ASCC3: variants seen among roughly 807,000 people sequenced by gnomAD.
ASCC3 encodes the protein ASC-1 complex subunit P200.
Under a neutral mutation model 256.3 loss-of-function variants are expected in ASCC3, and 158 were observed. That is an observed-to-expected ratio of 0.62 (90% CI 0.54 to 0.70). The LOEUF (loss-of-function observed/expected upper bound fraction) is 0.70, where lower values mean the gene tolerates loss of function less well. ASCC3 is among the 30% of genes least tolerant of loss of function. The probability of loss-of-function intolerance (pLI) is 0.00; values close to 1 mark genes in which losing one functional copy is unlikely to be tolerated. For missense variants in ASCC3, 2,259 were observed against 2,626.0 expected (o/e 0.86, Z 3.05); for synonymous variants, 948 against 883.4 (o/e 1.07, Z -1.30).
At chr6:100,648,050 T>C (rs1238533204) in intron 20 of ASCC3, among the ~76,000 whole-genome samples, 1 of 152,160 alleles carries the variant, frequency 6.6e-6, no homozygotes, top group Non-Finnish European at 1.5e-5. Context: ...ATTATGATTT[T>C]ATAGATGAAT....
intron 10 of ASCC3, among the ~76,000 whole-genome samples, chr6:100,726,682 A>C (rs1779643057): frequency 6.6e-6 from 1 of 152,040 alleles, no homozygotes; most frequent in Non-Finnish European, 1.5e-5. Context: ...GCACAGTAAG[A>C]AGTGGCTTCA....
At chr6:100,855,609 C>T (rs1562347251) in intron 3 of ASCC3, among the ~76,000 whole-genome samples, 2 of 152,170 alleles carry the variant, frequency 1.3e-5, no homozygotes, top group Non-Finnish European at 1.5e-5. Context: ...ATAATGCTGT[C>T]CAATGTTACC....
At chr6:100,678,986 C>G (rs1228451707) in intron 14 of ASCC3, among the ~76,000 whole-genome samples, 1 of 152,070 alleles carries the variant, frequency 6.6e-6, no homozygotes, top group Non-Finnish European at 1.5e-5. Context: ...ACTACCAATA[C>G]TCAAATTACC....
At chr6:100,528,758 T>C (rs1024090275) in intron 37 of ASCC3, among the ~76,000 whole-genome samples, 8 of 152,186 alleles carry the variant, frequency 5.3e-5, no homozygotes, top group East Asian at 1.9e-4. Context: ...CATAGCTCCT[T>C]AAAGGTCTTC....
chr6:100,752,311 G>A (rs1780977566), intron 10 of ASCC3, among the ~76,000 whole-genome samples: 1 of 151,968 alleles, frequency 6.6e-6, no homozygotes, highest in Non-Finnish European at 1.5e-5. Flanking sequence ...AAACAGGAGG[G>A]CAAAGCTAAT....
At position 100,718,059 on chromosome 6, in the gene ASCC3, TA is replaced by T; in HGVS notation, c.2079+15del. On this transcript the variant is annotated intron_variant, in intron 12 of 41. Transcript: ENST00000369162. The stretch of plus-strand genomic sequence containing the variant: ...AACAAAAATATTTTTAGATAAGAAT[TA>T]AAATGAGTATTTACCTTATTTGCAC... The T allele has an allele frequency of 6.2e-7, 1 of 1,609,146 alleles. No individual in the cohort carries two copies. The highest frequency in any genetic ancestry group is 8.5e-7 in the Non-Finnish European group (1 of 1,176,458).
chr6:100,597,716 T>C (rs1010319406), intron 34 of ASCC3, among the ~76,000 whole-genome samples: 1 of 151,062 alleles, frequency 6.6e-6, no homozygotes, highest in Non-Finnish European at 1.5e-5. Context: ...CTTATGCCTG[T>C]AGTCCCAGCA....
chr6:100,769,145 C>T (rs1369825085), intron 8 of ASCC3, among the ~76,000 whole-genome samples: 1 of 152,006 alleles, frequency 6.6e-6, no homozygotes, highest in Non-Finnish European at 1.5e-5. Context: ...CATGATCTCA[C>T]TCATATGTGG....
In ASCC3 at chr6:100,571,014, T is replaced by C. The variant is rs750815055; in HGVS notation, c.5550+18620A>G. 6.8e-4 allele frequency among the ~76,000 whole-genome samples: 103 copies of C among 152,124 alleles called. 1 individual carries two copies. Among genetic ancestry groups the C allele is most frequent in the Non-Finnish European group, 1.6e-4 (11 of 68,028 alleles). ...TATAAAAAAGCTAGAATGGTCTTTT[T>C]CACTATCAGTAACATCACATCACTC... On this transcript the variant is annotated intron_variant, in intron 36 of 41. Coordinates refer to ENST00000369162, the MANE Select transcript of ASCC3 (RefSeq NM_006828.4).
intron 37 of ASCC3, among the ~76,000 whole-genome samples, chr6:100,538,968 C>T (rs1224717265): frequency 1.3e-5 from 2 of 152,138 alleles, no homozygotes; most frequent in Non-Finnish European, 2.9e-5. Flanking sequence ...AAAACCGGCT[C>T]TTCTGACAAT....
At chr6:100,712,856 C>A (rs1036292776) in intron 13 of ASCC3, among the ~76,000 whole-genome samples, 1 of 149,772 alleles carries the variant, frequency 6.7e-6, no homozygotes, top group Non-Finnish European at 1.5e-5. Context: ...CTCCCAGGTT[C>A]ACGCCATTCT....
chr6:100,540,857 A>G (rs78140051), intron 36 of ASCC3, among the ~76,000 whole-genome samples: 2,494 of 152,234 alleles, frequency 0.016, 59 homozygotes, highest in African/African-American at 0.057. Context: ...AATGGAAGAA[A>G]TAAGACAGGG....
chr6:100,728,028 T>C (rs1042292458), intron 10 of ASCC3, among the ~76,000 whole-genome samples: 4 of 152,106 alleles, frequency 2.6e-5, no homozygotes, highest in Admixed American at 6.6e-5. Flanking sequence ...TTATTCTCTA[T>C]GTGTCAAAAG....
intron 13 of ASCC3, among the ~76,000 whole-genome samples, chr6:100,704,861 C>G (rs187759460): frequency 1.3e-5 from 2 of 152,042 alleles, no homozygotes; most frequent in African/African-American, 4.8e-5. Flanking sequence ...AATTAACTTA[C>G]TAAATATGCC....
intron 13 of ASCC3, among the ~76,000 whole-genome samples, chr6:100,695,474 C>T (rs897744267): frequency 1.6e-4 from 24 of 152,150 alleles, no homozygotes; most frequent in African/African-American, 5.3e-4. Context: ...TGTTCCTACA[C>T]GTCCAGGGCC....
intron 3 of ASCC3, among the ~76,000 whole-genome samples, chr6:100,854,898 CAAAA>C (rs1431785913): frequency 6.6e-6 from 1 of 151,952 alleles, no homozygotes; most frequent in Non-Finnish European, 1.5e-5. Flanking sequence ...GAAAAACAAA[CAAAA>C]AAGATTATTT....
At chr6:100,563,687 T>C (rs1451040729) in intron 36 of ASCC3, among the ~76,000 whole-genome samples, 2 of 152,132 alleles carry the variant, frequency 1.3e-5, no homozygotes, top group Non-Finnish European at 2.9e-5. Context: ...AACAATCCCA[T>C]ATGTAAGGCT....
intron 10 of ASCC3, among the ~76,000 whole-genome samples, chr6:100,742,392 T>G (rs1314280752): frequency 2.6e-5 from 4 of 152,138 alleles, no homozygotes; most frequent in African/African-American, 9.7e-5. Flanking sequence ...TGCTTTTTGG[T>G]TTACCAGGTG....
intron 25 of ASCC3, among the ~76,000 whole-genome samples, chr6:100,635,035 C>G (rs1469945846): frequency 6.6e-6 from 1 of 152,024 alleles, no homozygotes; most frequent in African/African-American, 2.4e-5. Flanking sequence ...AACTATCCAG[C>G]AATCCCACTT....
Sources: allele counts gnomAD v4.1 joint callset (sites outside exome capture counted in the v4.1 genomes callset), GRCh38; gene constraint gnomAD v4.1.1; transcripts MANE v1.5; gene names NCBI Gene and HGNC (gene_info 2026-07-23, HGNC 2026-07-21).